LPP: variants seen among roughly 807,000 people sequenced by gnomAD.
The protein encoded by LPP is lipoma-preferred partner.
Under a neutral mutation model 60.4 loss-of-function variants are expected in LPP, and 38 were observed. That is an observed-to-expected ratio of 0.63 (90% confidence interval 0.49 to 0.83). LPP has a LOEUF of 0.83. LPP is among the 40% of genes least tolerant of loss of function. LPP has a pLI of 0.00. For missense variants in LPP, 902 were observed against 783.6 expected, an observed-to-expected ratio of 1.15 and a Z score of -1.80; for synonymous variants, 328 against 290.8, an observed-to-expected ratio of 1.13 and a Z score of -1.30.
intron 3 of LPP, among the ~76,000 whole-genome samples, chr3:188,364,530 A>G (rs1429856268): frequency 6.6e-6 from 1 of 152,218 alleles, no homozygotes; most frequent in Non-Finnish European, 1.5e-5. Context: ...ACACTCAGAG[A>G]TAGAGTTGAG....
intron 9 of LPP, among the ~76,000 whole-genome samples, chr3:188,771,241 C>CA (rs889076362): frequency 2.6e-5 from 4 of 151,536 alleles, no homozygotes; most frequent in East Asian, 1.9e-4. Flanking sequence ...GTGATCTTAT[C>CA]AAAAAAAATT....
intron 1 of LPP, chr3:188,179,473 G>T: frequency 2.2e-6 from 1 of 457,840 alleles, no homozygotes; most frequent in Non-Finnish European, 4.4e-6. Context: ...CTTCCCTTCT[G>T]GGGCGCCCAC....
chr3:188,623,551 C>G (rs1284809348), intron 7 of LPP, among the ~76,000 whole-genome samples: 2 of 152,176 alleles, frequency 1.3e-5, no homozygotes, highest in Non-Finnish European at 2.9e-5. Context: ...AGCCACCGTG[C>G]CCGGCTGAAG....
At chr3:188,843,503 C>T (rs1577924853) in intron 9 of LPP, among the ~76,000 whole-genome samples, 1 of 152,222 alleles carries the variant, frequency 6.6e-6, no homozygotes, top group South Asian at 2.1e-4. Context: ...AATCCCTCCT[C>T]TGGGCTGGGC....
chr3:188,468,143 G>A (rs1443648962), intron 4 of LPP, among the ~76,000 whole-genome samples: 2 of 152,106 alleles, frequency 1.3e-5, no homozygotes, highest in Non-Finnish European at 2.9e-5. Flanking sequence ...TATTTACTCA[G>A]TGTGTATGCA....
intron 9 of LPP, among the ~76,000 whole-genome samples, chr3:188,790,569 G>A (rs1743352796): frequency 6.6e-6 from 1 of 152,056 alleles, no homozygotes; most frequent in Admixed American, 6.5e-5. Context: ...AGTGGCTCAC[G>A]CCTGTAATCC....
intron 3 of LPP, among the ~76,000 whole-genome samples, chr3:188,361,538 TC>T (rs1769364953): frequency 8.3e-6 from 1 of 119,892 alleles, no homozygotes; most frequent in African/African-American, 3.0e-5. Flanking sequence ...TCTCCTCTCC[TC>T]TCCTCCCCTC....
intron 7 of LPP, among the ~76,000 whole-genome samples, chr3:188,652,934 G>A (rs1223912339): frequency 2.6e-5 from 4 of 152,118 alleles, no homozygotes; most frequent in African/African-American, 9.7e-5. Flanking sequence ...ACCCCCAAAT[G>A]TCTAAGCTCC....
rs74662984 is a variant in LPP, at chr3:188,634,462, A to G, written c.1113+24618A>G. ...AGCAGGGGTGCCCAACCCCCGGGCC[A>G]TGGACCTCTACCAGTCCGTGACCTG... On this transcript the variant is annotated intron_variant, in intron 7 of 11. Transcript: ENST00000617246. Among the ~76,000 whole-genome samples the G allele has an allele frequency of 3.9e-3, 600 of 152,338 alleles. 4 individuals carry two copies. Among genetic ancestry groups the G allele is most frequent in the Non-Finnish European group, 6.4e-3 (433 of 68,034 alleles).
chr3:188,372,923 G>C (rs1578411659), intron 3 of LPP, among the ~76,000 whole-genome samples: 1 of 151,556 alleles, frequency 6.6e-6, no homozygotes, highest in East Asian at 2.0e-4. Flanking sequence ...TGTTCTCATT[G>C]TTCAATTCCC....
At chr3:188,515,653 T>C (rs1177271615) in intron 5 of LPP, among the ~76,000 whole-genome samples, 1 of 152,326 alleles carries the variant, frequency 6.6e-6, no homozygotes, top group Middle Eastern at 3.4e-3. Context: ...TAGTGTTTGC[T>C]CCCAAGACAG....
rs113600278 is a variant in LPP, at chr3:188,655,751, G to T, written c.1113+45907G>T. On this transcript the variant is annotated intron_variant, in intron 7 of 11. Coordinates refer to ENST00000617246, the MANE Select transcript of LPP (RefSeq NM_001375462.1). Reference sequence around the variant, plus strand: ...CTAGAAATCTACTATAGAATAGAGAGAATTGGTCTATACACAAGTTTATTT... The same window carrying T: ...CTAGAAATCTACTATAGAATAGAGATAATTGGTCTATACACAAGTTTATTT... 4.8e-3 allele frequency among the ~76,000 whole-genome samples: 735 copies of T among 152,242 alleles called. 11 individuals are homozygous for T. The highest frequency in any genetic ancestry group is 0.016 in the African/African-American group (684 of 41,528).
At chr3:188,642,472 T>G (rs1258518219) in intron 7 of LPP, among the ~76,000 whole-genome samples, 1 of 152,218 alleles carries the variant, frequency 6.6e-6, no homozygotes, top group African/African-American at 2.4e-5. Context: ...AATGTCCTCA[T>G]ACAGTATTTG....
intron 9 of LPP, among the ~76,000 whole-genome samples, chr3:188,841,129 C>T (rs751562988): frequency 4.6e-5 from 7 of 152,228 alleles, no homozygotes; most frequent in East Asian, 1.9e-4. Flanking sequence ...CAATTGATAG[C>T]GTGTGTTCAT....
At chr3:188,275,963 C>T (rs1021777629) in intron 2 of LPP, among the ~76,000 whole-genome samples, 3 of 152,122 alleles carry the variant, frequency 2.0e-5, no homozygotes, top group Non-Finnish European at 4.4e-5. Flanking sequence ...CATGAGGTAC[C>T]GCGCCCAGCC....
intron 2 of LPP, among the ~76,000 whole-genome samples, chr3:188,226,891 T>C (rs73057641): frequency 0.017 from 2,620 of 152,334 alleles, 69 homozygotes; most frequent in African/African-American, 0.057. Flanking sequence ...TGATCTATAT[T>C]ACATAAAAGG....
At chr3:188,368,192 A>G (rs1771781805) in intron 3 of LPP, among the ~76,000 whole-genome samples, 1 of 152,188 alleles carries the variant, frequency 6.6e-6, no homozygotes, top group Non-Finnish European at 1.5e-5. Flanking sequence ...TAACTCAGAG[A>G]GTTGTTCCTG....
At chr3:188,505,924 A>T (rs1813321477) in intron 5 of LPP, among the ~76,000 whole-genome samples, 1 of 152,094 alleles carries the variant, frequency 6.6e-6, no homozygotes, top group African/African-American at 2.4e-5. Context: ...GTACTCTATG[A>T]CCTACCTCAT....
intron 6 of LPP, among the ~76,000 whole-genome samples, chr3:188,537,277 G>A (rs1323584275): frequency 6.6e-6 from 1 of 151,820 alleles, no homozygotes; most frequent in African/African-American, 2.4e-5. Context: ...AGGAAGAGTG[G>A]ATAGAGATGT....
Sources: gnomAD v4.1 joint callset for allele counts (sites outside exome capture counted in the v4.1 genomes callset) on GRCh38, gnomAD v4.1.1 for gene constraint, MANE v1.5 for transcripts, NCBI Gene and HGNC (gene_info 2026-07-23, HGNC 2026-07-21) for gene names.